CNTLN: variants seen among roughly 807,000 people sequenced by gnomAD.
The protein encoded by CNTLN is centlein.
A neutral mutation model predicts 180.0 loss-of-function variants in CNTLN; 212 were observed. The ratio of observed to expected loss-of-function variants is 1.18; its 90% CI spans 1.05 to 1.32. The LOEUF is 1.32. Ranked by LOEUF, CNTLN falls within the 40% of genes most tolerant of loss-of-function variation. CNTLN has a pLI of 0.00. For missense variants in CNTLN, 2,095 were observed against 1,610.9 expected (o/e 1.30, Z -5.14); for synonymous variants, 722 against 563.1 (o/e 1.28, Z -3.99).
At chr9:17,335,353 C>T (rs1187244451) in intron 10 of CNTLN, among the ~76,000 whole-genome samples, 1 of 152,048 alleles carries the variant, frequency 6.6e-6, no homozygotes, top group Non-Finnish European at 1.5e-5. Context: ...CCTGTCTCTA[C>T]TAAAAATACA....
At chr9:17,211,696 G>A (rs1448344941) in intron 2 of CNTLN, among the ~76,000 whole-genome samples, 1 of 151,980 alleles carries the variant, frequency 6.6e-6, no homozygotes, top group Non-Finnish European at 1.5e-5. Context: ...AGCATGGAAT[G>A]TTCTTCCATT....
intron 6 of CNTLN, among the ~76,000 whole-genome samples, chr9:17,277,545 TAAGGA>T (rs145867025): frequency 0.037 from 5,607 of 152,020 alleles, 293 homozygotes; most frequent in East Asian, 0.25. Context: ...AAGTATGTAG[TAAGGA>T]AAGAAGAATA....
chr9:17,504,720 G>T (rs1259218218), downstream of CNTLN, among the ~76,000 whole-genome samples: 1 of 152,084 alleles, frequency 6.6e-6, no homozygotes, highest in Non-Finnish European at 1.5e-5. Flanking sequence ...CCACAGTACT[G>T]GCTTAAAATA....
intron 18 of CNTLN, among the ~76,000 whole-genome samples, chr9:17,456,078 T>A (rs1445659817): frequency 1.3e-5 from 2 of 152,026 alleles, no homozygotes; most frequent in African/African-American, 4.8e-5. Flanking sequence ...AGGGTTTGCA[T>A]TAAGAGAGTG....
chr9:17,456,691 T>C (rs1831139111), intron 18 of CNTLN, among the ~76,000 whole-genome samples: 1 of 152,118 alleles, frequency 6.6e-6, no homozygotes, highest in African/African-American at 2.4e-5. Context: ...TTGTACCTTA[T>C]GTTAAGGTAC....
At chr9:17,195,771 T>C (rs1822092530) in intron 2 of CNTLN, among the ~76,000 whole-genome samples, 1 of 151,840 alleles carries the variant, frequency 6.6e-6, no homozygotes, top group Admixed American at 6.6e-5. Flanking sequence ...CCTTATTGAC[T>C]AAAGAAACTC....
At chr9:17,369,638 C>T (rs1419013611) in intron 13 of CNTLN, among the ~76,000 whole-genome samples, 1 of 151,326 alleles carries the variant, frequency 6.6e-6, no homozygotes, top group Non-Finnish European at 1.5e-5. Flanking sequence ...CCCCTCATAG[C>T]AGAATTGATC....
intron 13 of CNTLN, 141 bp downstream of exon 13, chr9:17,366,858 T>A (rs1823865561): frequency 3.7e-6 from 2 of 536,848 alleles, no homozygotes; most frequent in Admixed American, 3.9e-5. Flanking sequence ...TCACTAACAT[T>A]TTCATCCTGA....
At chr9:17,462,525 G>C (rs1398503776) in intron 19 of CNTLN, among the ~76,000 whole-genome samples, 1 of 151,776 alleles carries the variant, frequency 6.6e-6, no homozygotes, top group East Asian at 1.9e-4. Context: ...GAGCAGCAAA[G>C]CATTTGTGAC....
rs556928368 is a variant in CNTLN at position 17,451,642 on chromosome 9, G to A, written c.3115-5882G>A. 1.6e-3 allele frequency among the ~76,000 whole-genome samples: 238 copies of A among 152,048 alleles called. 2 individuals are homozygous for A. Among genetic ancestry groups the A allele is most frequent in the Non-Finnish European group, 2.0e-3 (137 of 68,020 alleles). On this transcript the variant is annotated intron_variant, in intron 18 of 25. Coordinates refer to ENST00000380647, the MANE Select transcript of CNTLN (RefSeq NM_017738.4). ...CTTTTTCAATATTGAGCGTCTCACC[G>A]TTGCTCCAGCATGGACTGCAAAGTG...
chr9:17,416,225 A>G, intron 18 of CNTLN, 36 bp downstream of exon 18: 1 of 1,482,654 alleles, frequency 6.7e-7, no homozygotes, highest in African/African-American at 1.4e-5. Context: ...GTAGTATACT[A>G]TATTGTAAAA....
intron 2 of CNTLN, among the ~76,000 whole-genome samples, chr9:17,198,960 T>G (rs1822326504): frequency 1.3e-5 from 2 of 152,166 alleles, no homozygotes; most frequent in African/African-American, 4.8e-5. Flanking sequence ...TCCAAGTCTT[T>G]GCTATTGTAA....
At chr9:17,469,736 C>T (rs1188389315) in intron 23 of CNTLN, among the ~76,000 whole-genome samples, 2 of 151,740 alleles carry the variant, frequency 1.3e-5, no homozygotes, top group Admixed American at 6.6e-5. Context: ...CCCAAAATGC[C>T]TTCCCCTCTT....
At chr9:17,372,592 T>C (rs910130727) in intron 13 of CNTLN, among the ~76,000 whole-genome samples, 5 of 151,946 alleles carry the variant, frequency 3.3e-5, no homozygotes, top group African/African-American at 1.2e-4. Flanking sequence ...TTCCAAAAGG[T>C]AGAAGAGGAG....
At chr9:17,296,055 T>C (rs1360791092) in intron 6 of CNTLN, among the ~76,000 whole-genome samples, 1 of 151,054 alleles carries the variant, frequency 6.6e-6, no homozygotes, top group African/African-American at 2.4e-5. Flanking sequence ...GGAGTCTGGC[T>C]CTGTCACCCA....
intron 2 of CNTLN, among the ~76,000 whole-genome samples, chr9:17,143,609 A>C (rs996310720): frequency 3.3e-5 from 5 of 152,166 alleles, no homozygotes; most frequent in African/African-American, 1.2e-4. Flanking sequence ...TGTAGCTAAG[A>C]GATAAAACTA....
chr9:17,496,596 A>G (rs1014318021), intron 25 of CNTLN, among the ~76,000 whole-genome samples: 1 of 152,220 alleles, frequency 6.6e-6, no homozygotes, highest in African/African-American at 2.4e-5. Flanking sequence ...GTTAATAACA[A>G]GGGTCTACCT....
intron 6 of CNTLN, among the ~76,000 whole-genome samples, chr9:17,294,079 C>T (rs988566853): frequency 6.6e-6 from 1 of 152,166 alleles, no homozygotes; most frequent in Non-Finnish European, 1.5e-5. Context: ...TTTAGAGTTT[C>T]TTCCTTCTGG....
At chr9:17,333,408 T>C (rs560142259) in intron 10 of CNTLN, among the ~76,000 whole-genome samples, 25 of 152,136 alleles carry the variant, frequency 1.6e-4, no homozygotes, top group Non-Finnish European at 2.6e-4. Flanking sequence ...TCATTCACAA[T>C]TACCTGAAGC....
Sources: gnomAD v4.1 joint callset for allele counts (sites outside exome capture counted in the v4.1 genomes callset) on GRCh38, gnomAD v4.1.1 for gene constraint, MANE v1.5 for transcripts, NCBI Gene and HGNC (gene_info 2026-07-23, HGNC 2026-07-21) for gene names.